Variants in PLBD1 observed in about 807,000 individuals in gnomAD.
PLBD1 encodes phospholipase B domain containing 1.
Under a neutral mutation model 63.0 loss-of-function variants are expected in PLBD1, and 60 were observed. The ratio of observed to expected loss-of-function variants is 0.95; its 90% confidence interval spans 0.77 to 1.18. The LOEUF is 1.18. Among genes scored for constraint, PLBD1 ranks in the 50% most tolerant of loss-of-function variants. The pLI, the probability that PLBD1 is intolerant of heterozygous loss-of-function variation, is 0.00. For synonymous variants in PLBD1, 262 were observed against 248.0 expected, an observed-to-expected ratio of 1.06 and a Z score of -0.53; for missense variants, 598 against 677.9, an observed-to-expected ratio of 0.88 and a Z score of 1.31.
At chr12:14,521,338 G>A (rs776550765) in intron 6 of PLBD1, among the ~76,000 whole-genome samples, 5 of 152,038 alleles carry the variant, frequency 3.3e-5, no homozygotes, top group South Asian at 2.1e-4. Context: ...ATGCACTTGC[G>A]GTGTGTGTAA....
intron 6 of PLBD1, among the ~76,000 whole-genome samples, chr12:14,527,802 C>T (rs1413616912): frequency 2.8e-5 from 3 of 108,062 alleles, no homozygotes; most frequent in Non-Finnish European, 5.5e-5. Context: ...AATAAAATTG[C>T]TGGTATGAAA....
Position 14,540,791 on chromosome 12 carries a change from C to T in PLBD1, c.531G>A (p.Lys177=), listed in dbSNP as rs1430242753. The T allele has an allele frequency of 5.0e-6, 8 of 1,607,192 alleles. No individual in the cohort carries two copies. Among genetic ancestry groups the T allele is most frequent in the Middle Eastern group, 3.3e-4 (2 of 6,042 alleles). Reference sequence around the variant, plus strand: ...TTGTCCCTTCTAATATAGCCCTCTTCTTTGCTCCTACATAGAGGCCATCTA... The same window carrying T: ...TTGTCCCTTCTAATATAGCCCTCTTTTTTGCTCCTACATAGAGGCCATCTA... ...AQIDGLYVGA[K]KRAILEGTKP... Residue 177 remains lysine, a synonymous_variant, in exon 4 of 11, where the codon AAG becomes AAA. Coordinates refer to ENST00000240617, the MANE Select transcript of PLBD1 (RefSeq NM_024829.6).
chr12:14,549,317 T>G (rs1181124998), intron 2 of PLBD1, among the ~76,000 whole-genome samples: 1 of 152,106 alleles, frequency 6.6e-6, no homozygotes, highest in Non-Finnish European at 1.5e-5. Context: ...GAGATGGAGC[T>G]CTAATCCAGT....
At chr12:14,556,082 G>T (rs1399522001) in intron 1 of PLBD1, among the ~76,000 whole-genome samples, 1 of 152,204 alleles carries the variant, frequency 6.6e-6, no homozygotes, top group East Asian at 1.9e-4. Context: ...TCTTTTCTCT[G>T]TCTGAGAAGC....
At chr12:14,555,466 G>C (rs1398356747) in intron 1 of PLBD1, among the ~76,000 whole-genome samples, 1 of 152,220 alleles carries the variant, frequency 6.6e-6, no homozygotes, top group East Asian at 1.9e-4. Flanking sequence ...GAACCCGGGA[G>C]GCAGAGGTTG....
intron 2 of PLBD1, among the ~76,000 whole-genome samples, chr12:14,549,311 T>C (rs1945638982): frequency 6.6e-6 from 1 of 152,134 alleles, no homozygotes; most frequent in South Asian, 2.1e-4. Flanking sequence ...AGGAGAGAGA[T>C]GGAGCTCTAA....
intron 1 of PLBD1, among the ~76,000 whole-genome samples, chr12:14,559,213 C>T (rs1945728700): frequency 1.3e-5 from 2 of 152,198 alleles, no homozygotes; most frequent in Non-Finnish European, 2.9e-5. Context: ...TATACAAGCT[C>T]TGTGAAAGCG....
rs1285020841 is a variant in PLBD1 at position 14,539,238 on chromosome 12, C to T, written c.558+1526G>A. Among the ~76,000 whole-genome samples, 2 of 151,898 alleles carry T rather than the reference C, an allele frequency of 1.3e-5. 1 individual carries two copies. Among genetic ancestry groups the T allele is most frequent in the Admixed American group, 1.3e-4 (2 of 15,240 alleles). ...CTGAAAGAATAAAGATGTATACATA[C>T]CATTTAAGGAAAAATAAATAAACAC... On this transcript the variant is annotated intron_variant, in intron 4 of 10. Coordinates refer to ENST00000240617, the MANE Select transcript of PLBD1 (RefSeq NM_024829.6).
intron 4 of PLBD1, 108 bp downstream of exon 4, chr12:14,540,655 AC>A: frequency 8.5e-7 from 1 of 1,172,780 alleles, no homozygotes; most frequent in Non-Finnish European, 1.1e-6. Context: ...AGGAATTTAT[AC>A]TGTAGTTCTA....
At chr12:14,540,323 G>A (rs1227499481) in intron 4 of PLBD1, among the ~76,000 whole-genome samples, 1 of 151,580 alleles carries the variant, frequency 6.6e-6, no homozygotes, top group Non-Finnish European at 1.5e-5. Context: ...AAGCCTTAGT[G>A]ATTCAGTAAA....
At chr12:14,537,147 C>G (rs113099383) in intron 4 of PLBD1, among the ~76,000 whole-genome samples, 2 of 149,390 alleles carry the variant, frequency 1.3e-5, no homozygotes, top group African/African-American at 4.9e-5. Flanking sequence ...TTAACAGGTA[C>G]GCTAGATTTT....
intron 10 of PLBD1, 39 bp downstream of exon 10, chr12:14,506,123 G>A: frequency 7.0e-7 from 1 of 1,437,790 alleles, no homozygotes; most frequent in African/African-American, 1.4e-5. Context: ...AGGCCTGTGT[G>A]CTGGTGGGAA....
Position 14,536,694 on chromosome 12 carries a change from T to C in PLBD1, c.575A>G (p.Gln192Arg). The change falls in exon 5 of 11, where the codon CAG (glutamine) becomes CGG (arginine). Residue 192 changes from glutamine (Q) to arginine (R), a missense_variant. Gln to Arg is a conservative substitution (Grantham distance 43). Transcript: ENST00000240617. Reference sequence around the variant, plus strand: ...TCCAACACTATTCAGGAACTGAATCTGGAACAGGGTCATTGGCTAGGAAAG... The same window carrying C: ...TCCAACACTATTCAGGAACTGAATCCGGAACAGGGTCATTGGCTAGGAAAG... ...LEGTKPMTLFQIQFLNSVGDL... is the reference protein window; with the variant it reads ...LEGTKPMTLFRIQFLNSVGDL... The C allele has an allele frequency of 6.2e-7, 1 of 1,614,148 alleles. No individual in the cohort carries two copies. The highest frequency in any genetic ancestry group is 8.5e-7 in the Non-Finnish European group (1 of 1,179,996).
chr12:14,504,032 C>G lies in PLBD1; in HGVS notation c.1480-78G>C, dbSNP rs917171639. 3.1e-5 allele frequency: 42 copies of G among 1,340,826 alleles called. No individual in the cohort carries two copies. The African/African-American group carries it at 5.6e-4, about 18-fold the overall frequency. 83.1% of individuals were successfully genotyped at this position (1,340,826 alleles called of 1,614,324 possible). A position where few individuals can be genotyped will look rare whatever the true frequency, so the allele number is the denominator to read the frequency against. On this transcript the variant is annotated intron_variant, in intron 10 of 10. Transcript: ENST00000240617. ...TTAAATCCATGGCCTTCCCCACTCT[C>G]CCACTACCAAAGTCACAATATTAGC...
intron 2 of PLBD1, among the ~76,000 whole-genome samples, chr12:14,552,692 G>A (rs1381334692): frequency 6.6e-6 from 1 of 152,184 alleles, no homozygotes; most frequent in Non-Finnish European, 1.5e-5. Context: ...CTTGAGGTCA[G>A]GAGTTTAGGA....
intron 4 of PLBD1, among the ~76,000 whole-genome samples, chr12:14,538,382 T>C (rs529964067): frequency 7.2e-5 from 11 of 152,060 alleles, no homozygotes; most frequent in Admixed American, 2.0e-4. Flanking sequence ...TTTGTAGAGA[T>C]GGGGTTTCAC....
chr12:14,508,954 T>C (rs1389976207), intron 8 of PLBD1, among the ~76,000 whole-genome samples: 1 of 152,086 alleles, frequency 6.6e-6, no homozygotes, highest in Non-Finnish European at 1.5e-5. Context: ...TCTATCACCA[T>C]ACCACAGTTG....
intron 6 of PLBD1, among the ~76,000 whole-genome samples, chr12:14,527,900 A>G (rs1448957620): frequency 6.6e-6 from 1 of 152,084 alleles, no homozygotes; most frequent in Non-Finnish European, 1.5e-5. Flanking sequence ...ATATTAATAT[A>G]AGACAATGTA....
intron 6 of PLBD1, among the ~76,000 whole-genome samples, chr12:14,533,854 C>T (rs1027541390): frequency 5.3e-5 from 8 of 152,316 alleles, no homozygotes; most frequent in Middle Eastern, 3.4e-3. Flanking sequence ...GGTCAGAATT[C>T]CTGATAGGGG....
Sources: allele counts gnomAD v4.1 joint callset (sites outside exome capture counted in the v4.1 genomes callset), GRCh38; gene constraint gnomAD v4.1.1; transcripts MANE v1.5; gene names NCBI Gene and HGNC (gene_info 2026-07-23, HGNC 2026-07-21).